Variants in PHKB observed in about 807,000 individuals in gnomAD.
PHKB encodes the protein phosphorylase b kinase regulatory subunit beta.
Under a neutral mutation model 152.1 loss-of-function variants are expected in PHKB, and 122 were observed. The ratio of observed to expected loss-of-function variants is 0.80; its 90% CI spans 0.69 to 0.93. The LOEUF (loss-of-function observed/expected upper bound fraction) is 0.93, where lower values mean the gene tolerates loss of function less well. PHKB is among the 40% of genes least tolerant of loss of function. The pLI is 0.00. For synonymous variants in PHKB, 436 were observed against 464.9 expected, an observed-to-expected ratio of 0.94 and a Z score of 0.80; for missense variants, 1,304 against 1,328.4, an observed-to-expected ratio of 0.98 and a Z score of 0.29.
chr16:47,615,724 T>C (rs1208092253), intron 14 of PHKB, among the ~76,000 whole-genome samples: 1 of 152,250 alleles, frequency 6.6e-6, no homozygotes, highest in Non-Finnish European at 1.5e-5. Context: ...TTAATAGTTA[T>C]CTGTCTAGGC....
At chr16:47,673,847 C>G (rs1973679151) in intron 26 of PHKB, among the ~76,000 whole-genome samples, 1 of 152,124 alleles carries the variant, frequency 6.6e-6, no homozygotes, top group Non-Finnish European at 1.5e-5. Flanking sequence ...TTGAAGTAGG[C>G]ACTAGAACCA....
chr16:47,616,098 T>G (rs554661572), intron 14 of PHKB, among the ~76,000 whole-genome samples: 38 of 152,270 alleles, frequency 2.5e-4, no homozygotes, highest in African/African-American at 8.2e-4. Flanking sequence ...TGATTGCAAA[T>G]ATTTTCTCCC....
At chr16:47,643,027 C>T (rs888833971) in intron 16 of PHKB, among the ~76,000 whole-genome samples, 70 of 152,142 alleles carry the variant, frequency 4.6e-4, no homozygotes, top group Middle Eastern at 3.2e-3. Context: ...CTCTAGAGAA[C>T]GCCAACAAAG....
intron 26 of PHKB, among the ~76,000 whole-genome samples, chr16:47,683,356 C>G (rs975394500): frequency 6.6e-6 from 1 of 152,232 alleles, no homozygotes; most frequent in Non-Finnish European, 1.5e-5. Flanking sequence ...TGCCTTGCCC[C>G]CAGAGGTGGA....
chr16:47,681,885 G>T (rs1973865198), intron 26 of PHKB, among the ~76,000 whole-genome samples: 1 of 152,038 alleles, frequency 6.6e-6, no homozygotes, highest in Admixed American at 6.5e-5. Flanking sequence ...TTACATTTTG[G>T]CATGTTTTTG....
At chr16:47,670,230 T>A (rs1973614842) in intron 26 of PHKB, among the ~76,000 whole-genome samples, 1 of 152,238 alleles carries the variant, frequency 6.6e-6, no homozygotes, top group Non-Finnish European at 1.5e-5. Flanking sequence ...GAGCTTATAG[T>A]GTAATCTAAC....
intron 26 of PHKB, chr16:47,676,419 A>G (rs1973733311): frequency 6.6e-6 from 1 of 152,120 alleles, no homozygotes; most frequent in South Asian, 2.1e-4. Context: ...TCATGTTTTG[A>G]TACCATATTC....
At chr16:47,574,798 T>A (rs1032825624) in intron 7 of PHKB, among the ~76,000 whole-genome samples, 1 of 152,122 alleles carries the variant, frequency 6.6e-6, no homozygotes, top group Non-Finnish European at 1.5e-5. Context: ...ACCTCCAACA[T>A]TGGGGATCAG....
rs781419588 is a variant in PHKB, at chr16:47,664,901, G to C, written c.2353G>C (p.Gly785Arg). The change falls in exon 25 of 31, where the codon GGG (glycine) becomes CGG (arginine). Residue 785 changes from glycine (G) to arginine (R), a missense_variant. Gly to Arg is a moderately radical substitution (Grantham distance 125, BLOSUM62 -2). Transcript: ENST00000323584. ...SQKLWLAVRY[G>R]AAFTQKFSSS... is the part of the protein sequence containing the mutation. ...CACACCCAGGTTGGCGGTGCGCTAC[G>C]GGGCTGCATTTACCCAGAAATTTTC... 1 of 1,613,348 alleles carries C rather than the reference G, an allele frequency of 6.2e-7. No homozygotes were observed. The highest frequency in any genetic ancestry group is 8.5e-7 in the Non-Finnish European group (1 of 1,179,536).
At chr16:47,490,944 A>G (rs1203143298) in intron 1 of PHKB, among the ~76,000 whole-genome samples, 1 of 152,190 alleles carries the variant, frequency 6.6e-6, no homozygotes, top group Non-Finnish European at 1.5e-5. Flanking sequence ...GCTTTACCTT[A>G]TCTAATTCAA....
chr16:47,540,654 T>C (rs979258458), intron 6 of PHKB, among the ~76,000 whole-genome samples: 18 of 152,062 alleles, frequency 1.2e-4, no homozygotes, highest in African/African-American at 4.1e-4. Context: ...AGAACCTACA[T>C]TGAAATATTG....
chr16:47,537,907 T>C lies in PHKB; in HGVS notation c.595-9526T>C, dbSNP rs950559612. Among the ~76,000 whole-genome samples the C allele has an allele frequency of 3.9e-5, 6 of 151,932 alleles. No homozygotes were observed. The South Asian group carries it at 6.2e-4, about 16-fold the overall frequency. On this transcript the variant is annotated intron_variant, in intron 6 of 30. Transcript: ENST00000323584. ...CTCTCTCTCTCTCTCTCTCTCTTTT[T>C]AAGTTGAGGCAAGGTCTCTCTCTGT... is the stretch of plus-strand genomic sequence containing the variant.
intron 26 of PHKB, among the ~76,000 whole-genome samples, chr16:47,679,444 A>G (rs1389205052): frequency 6.6e-6 from 1 of 151,986 alleles, no homozygotes; most frequent in African/African-American, 2.4e-5. Context: ...CTTTTATTTC[A>G]TTGAGCAGTG....
In PHKB at chr16:47,471,770, G is replaced by A. The variant is rs578043113; in HGVS notation, c.76+10344G>A. Among the ~76,000 whole-genome samples the A allele has an allele frequency of 4.6e-5, 7 of 152,244 alleles. No homozygotes were observed. The South Asian group carries it at 1.5e-3, about 32-fold the overall frequency. ...AGTTTATTGAATCAGAGGTATAAAT[G>A]GTAGGTAGGTTCTAATGCATAATTA... On this transcript the variant is annotated intron_variant, in intron 1 of 30. Transcript: ENST00000323584.
intron 10 of PHKB, among the ~76,000 whole-genome samples, chr16:47,592,617 A>T (rs1972047605): frequency 1.3e-5 from 2 of 152,174 alleles, no homozygotes; most frequent in South Asian, 4.1e-4. Flanking sequence ...ACTCCCTATG[A>T]GCCTGACATA....
intron 26 of PHKB, among the ~76,000 whole-genome samples, chr16:47,684,249 C>G (rs1973919824): frequency 6.6e-6 from 1 of 151,842 alleles, no homozygotes; most frequent in Non-Finnish European, 1.5e-5. Context: ...GGGAGGATTG[C>G]TTGAGGTGGA....
At chr16:47,698,820 A>G (rs1364709147) in intron 30 of PHKB, among the ~76,000 whole-genome samples, 6 of 152,184 alleles carry the variant, frequency 3.9e-5, no homozygotes, top group African/African-American at 1.4e-4. Context: ...GAAAGAGATA[A>G]ATTTCCTTTA....
chr16:47,609,865 C>T (rs1263922097), intron 13 of PHKB, among the ~76,000 whole-genome samples: 2 of 152,064 alleles, frequency 1.3e-5, no homozygotes, highest in Non-Finnish European at 2.9e-5. Flanking sequence ...TAAGAAACTA[C>T]TTTTGATTTT....
intron 13 of PHKB, among the ~76,000 whole-genome samples, chr16:47,604,009 T>C (rs1480352749): frequency 6.6e-6 from 1 of 152,220 alleles, no homozygotes; most frequent in Non-Finnish European, 1.5e-5. Context: ...TACAGGGTGC[T>C]TGTGTCACCT....
Sources: gnomAD v4.1 joint callset for allele counts (sites outside exome capture counted in the v4.1 genomes callset) on GRCh38, gnomAD v4.1.1 for gene constraint, MANE v1.5 for transcripts, NCBI Gene and HGNC (gene_info 2026-07-23, HGNC 2026-07-21) for gene names.